ARHGAP15: variants seen among roughly 807,000 people sequenced by gnomAD.
The protein encoded by ARHGAP15 is Rho GTPase activating protein 15, also known as rho GTPase-activating protein 15.
ARHGAP15 carries 51 observed loss-of-function variants against 63.7 expected under a neutral mutation model. The observed-to-expected ratio is 0.80, with a 90% confidence interval of 0.64 to 1.01. ARHGAP15 has a LOEUF of 1.01. Ranked by LOEUF, ARHGAP15 falls within the 50% of genes least tolerant of loss-of-function variation. The pLI is 0.00. For missense variants in ARHGAP15, 560 were observed against 564.6 expected, an observed-to-expected ratio of 0.99 and a Z score of 0.08; for synonymous variants, 191 against 193.8, an observed-to-expected ratio of 0.99 and a Z score of 0.12.
chr2:143,344,164 C>T (rs536331720), intron 6 of ARHGAP15: 25 of 152,194 alleles, frequency 1.6e-4, no homozygotes, highest in African/African-American at 5.3e-4. Flanking sequence ...TACTCCAATA[C>T]GTTGGGAATT....
intron 11 of ARHGAP15, among the ~76,000 whole-genome samples, chr2:143,573,784 T>C (rs1423243623): frequency 6.6e-6 from 1 of 152,128 alleles, no homozygotes; most frequent in African/African-American, 2.4e-5. Context: ...GGAGGTGCAC[T>C]CTTCCTTTAC....
intron 6 of ARHGAP15, among the ~76,000 whole-genome samples, chr2:143,397,567 ACGAAG>A (rs1488634477): frequency 1.4e-5 from 2 of 141,814 alleles, no homozygotes; most frequent in South Asian, 2.4e-4. Flanking sequence ...GCAAAAAAAA[ACGAAG>A]AAGAAATAAA....
intron 3 of ARHGAP15, among the ~76,000 whole-genome samples, chr2:143,212,036 T>G (rs1558816924): frequency 6.6e-6 from 1 of 152,202 alleles, no homozygotes; most frequent in Non-Finnish European, 1.5e-5. Context: ...TTATTTCCAT[T>G]TATAAACAGA....
intron 6 of ARHGAP15, among the ~76,000 whole-genome samples, chr2:143,342,009 C>T (rs1355260374): frequency 6.6e-6 from 1 of 152,078 alleles, no homozygotes; most frequent in Non-Finnish European, 1.5e-5. Flanking sequence ...TTGTATTTAG[C>T]TTATCCAATA....
intron 5 of ARHGAP15, among the ~76,000 whole-genome samples, chr2:143,229,137 A>G (rs1025771309): frequency 2.0e-5 from 3 of 152,162 alleles, no homozygotes; most frequent in African/African-American, 7.2e-5. Flanking sequence ...TAATACATGA[A>G]TTTAAGTTGG....
intron 13 of ARHGAP15, among the ~76,000 whole-genome samples, chr2:143,704,201 T>A (rs2105425154): frequency 6.6e-6 from 1 of 152,230 alleles, no homozygotes; most frequent in Non-Finnish European, 1.5e-5. Flanking sequence ...AGATTTGGAT[T>A]CTATTCTAAA....
chr2:143,437,137 T>A (rs1319775934), intron 8 of ARHGAP15, 95 bp downstream of exon 8: 5 of 1,363,052 alleles, frequency 3.7e-6, no homozygotes, highest in Non-Finnish European at 4.9e-6. Flanking sequence ...GCCAAACTCA[T>A]CATACTCATG....
intron 12 of ARHGAP15, among the ~76,000 whole-genome samples, chr2:143,664,190 A>G (rs1682013924): frequency 6.6e-6 from 1 of 152,198 alleles, no homozygotes; most frequent in Admixed American, 6.5e-5. Flanking sequence ...CAGCAAACGT[A>G]AAAGAACAGA....
At chr2:143,417,375 T>C (rs1688735757) in intron 6 of ARHGAP15, among the ~76,000 whole-genome samples, 1 of 152,116 alleles carries the variant, frequency 6.6e-6, no homozygotes, top group Non-Finnish European at 1.5e-5. Flanking sequence ...TTTTGAAGAG[T>C]TTCTCTTATT....
chr2:143,482,015 G>A (rs1692099759), intron 8 of ARHGAP15, among the ~76,000 whole-genome samples: 1 of 152,108 alleles, frequency 6.6e-6, no homozygotes, highest in Non-Finnish European at 1.5e-5. Context: ...TATTTGTTCA[G>A]GCTTGACAGA....
intron 12 of ARHGAP15, among the ~76,000 whole-genome samples, chr2:143,671,068 A>G (rs529555459): frequency 6.2e-4 from 95 of 152,346 alleles, no homozygotes; most frequent in African/African-American, 2.2e-3. Context: ...TGAGAAAATC[A>G]TGTGTCAGAA....
intron 5 of ARHGAP15, chr2:143,237,878 G>A (rs1693715691): frequency 6.6e-6 from 1 of 152,044 alleles, no homozygotes; most frequent in African/African-American, 2.4e-5. Flanking sequence ...TTACTCTTAT[G>A]TTTTTTATTT....
chr2:143,566,415 G>A lies in ARHGAP15; in HGVS notation c.1003+9930G>A, dbSNP rs562763310. Among the ~76,000 whole-genome samples the A allele has an allele frequency of 3.9e-5, 6 of 152,200 alleles. No homozygotes were observed. In the South Asian group the frequency reaches 6.2e-4, roughly 16 times the overall value. On this transcript the variant is annotated intron_variant, in intron 11 of 13. Transcript: ENST00000295095. ...GATGCCAGGCAGTATGTGGGACACC[G>A]GAAGTACAGCAGTGACTAGGACAAG...
chr2:143,330,585 C>T (rs781243990), intron 6 of ARHGAP15, among the ~76,000 whole-genome samples: 25 of 152,144 alleles, frequency 1.6e-4, no homozygotes, highest in Non-Finnish European at 3.2e-4. Context: ...TGAATCAGGC[C>T]TTCAGAGTTT....
intron 10 of ARHGAP15, chr2:143,521,869 A>T (rs1694076920): frequency 1.3e-5 from 2 of 152,044 alleles, no homozygotes; most frequent in Admixed American, 6.6e-5. Context: ...TATTAGATGG[A>T]TGATTTAAAA....
At chr2:143,692,118 G>GT (rs1683630839) in intron 12 of ARHGAP15, among the ~76,000 whole-genome samples, 1 of 152,178 alleles carries the variant, frequency 6.6e-6, no homozygotes, top group South Asian at 2.1e-4. Context: ...GACTCTCATG[G>GT]TAAGAATTGA....
At chr2:143,192,227 T>G (rs1371000584) in intron 2 of ARHGAP15, among the ~76,000 whole-genome samples, 1 of 152,204 alleles carries the variant, frequency 6.6e-6, no homozygotes, top group African/African-American at 2.4e-5. Flanking sequence ...GAGCCAAAAG[T>G]TTTTAGGCCC....
intron 9 of ARHGAP15, among the ~76,000 whole-genome samples, chr2:143,494,237 A>G (rs563447789): frequency 1.6e-4 from 25 of 152,102 alleles, no homozygotes; most frequent in Middle Eastern, 3.4e-3. Context: ...TGATGGTTTC[A>G]TTCAGTGTTA....
At chr2:143,273,534 C>G (rs1278091717) in intron 6 of ARHGAP15, among the ~76,000 whole-genome samples, 1 of 152,048 alleles carries the variant, frequency 6.6e-6, no homozygotes, top group Non-Finnish European at 1.5e-5. Flanking sequence ...AATGTTCAAC[C>G]TAACTCTAGT....
Sources: allele counts gnomAD v4.1 joint callset (sites outside exome capture counted in the v4.1 genomes callset), GRCh38; gene constraint gnomAD v4.1.1; transcripts MANE v1.5; gene names NCBI Gene and HGNC (gene_info 2026-07-23, HGNC 2026-07-21).